The following STARD3NL variants were observed in gnomAD, a reference collection of about 807,000 sequenced individuals.
STARD3NL encodes the protein STARD3 N-terminal-like protein.
In STARD3NL, 17 loss-of-function variants were observed where a neutral mutation model predicts 30.9. The ratio of observed to expected loss-of-function variants is 0.55; its 90% CI spans 0.38 to 0.82. The LOEUF (loss-of-function observed/expected upper bound fraction) is 0.82, where lower values mean the gene tolerates loss of function less well. Among genes scored for constraint, STARD3NL ranks in the 40% least tolerant of loss-of-function variants. The pLI is 0.00. For missense variants in STARD3NL, 234 were observed against 277.6 expected, an observed-to-expected ratio of 0.84 and a Z score of 1.12; for synonymous variants, 112 against 100.5, an observed-to-expected ratio of 1.11 and a Z score of -0.69.
intron 1 of STARD3NL, among the ~76,000 whole-genome samples, chr7:38,187,235 G>A (rs1784498811): frequency 6.6e-6 from 1 of 152,176 alleles, no homozygotes; most frequent in African/African-American, 2.4e-5. Context: ...ACATTACTGG[G>A]CAGCTGTGTG....
Position 38,228,741 on chromosome 7 carries a change from A to G in STARD3NL, c.650-58A>G, listed in dbSNP as rs1006865548. The G allele has an allele frequency of 3.5e-6, 5 of 1,410,844 alleles. No homozygotes were observed. The African/African-American group carries it at 7.1e-5, about 20-fold the overall frequency. The allele number at this position is 1,410,844 out of a possible 1,614,324, so 87.4% of individuals were successfully genotyped here. A position where few individuals can be genotyped will look rare whatever the true frequency, so the allele number is the denominator to read the frequency against. ...AATTTTAAACCTATTTATTTAAAAT[A>G]GTTTGTTACTGTAATGGAATGAAAT... On this transcript the variant is annotated intron_variant, in intron 7 of 8. Transcript: ENST00000009041.
intron 1 of STARD3NL, among the ~76,000 whole-genome samples, chr7:38,187,461 G>T (rs1328556169): frequency 1.3e-5 from 2 of 152,080 alleles, no homozygotes; most frequent in African/African-American, 4.8e-5. Flanking sequence ...TGTAGGTTCT[G>T]CTGAGAGCAT....
intron 1 of STARD3NL, among the ~76,000 whole-genome samples, chr7:38,196,639 A>G (rs1392806079): frequency 1.3e-5 from 2 of 152,180 alleles, no homozygotes; most frequent in African/African-American, 2.4e-5. Context: ...GACTCCAAAA[A>G]TATTTTTTAA....
At chr7:38,210,845 A>G (rs1441635549) in intron 2 of STARD3NL, among the ~76,000 whole-genome samples, 1 of 152,176 alleles carries the variant, frequency 6.6e-6, no homozygotes, top group Admixed American at 6.5e-5. Flanking sequence ...CTATTTTCTA[A>G]CTGGCGTTCT....
chr7:38,209,737 T>TGGTGG (rs1178979390), intron 2 of STARD3NL, among the ~76,000 whole-genome samples: 3 of 152,176 alleles, frequency 2.0e-5, no homozygotes, highest in African/African-American at 7.2e-5. Context: ...GGTAGAACTG[T>TGGTGG]GGTGGGGTTC....
At chr7:38,210,051 T>C (rs541910351) in intron 2 of STARD3NL, among the ~76,000 whole-genome samples, 1 of 152,340 alleles carries the variant, frequency 6.6e-6, no homozygotes, top group African/African-American at 2.4e-5. Context: ...GTTCTACTTG[T>C]TTTGAATTGT....
intron 8 of STARD3NL, 64 bp from the exon 9 acceptor site, chr7:38,229,859 G>A (rs1472098629): frequency 1.4e-5 from 2 of 144,162 alleles, no homozygotes; most frequent in Non-Finnish European, 3.1e-5. Flanking sequence ...CATGTAAGGT[G>A]ACCGTGGCAT....
intron 3 of STARD3NL, 86 bp from the exon 4 acceptor site, chr7:38,214,942 A>G (rs2116332513): frequency 8.2e-7 from 1 of 1,213,784 alleles, no homozygotes; most frequent in Non-Finnish European, 1.2e-6. Context: ...AATCACAGTA[A>G]TGAAGACAGT....
At chr7:38,182,498 C>G (rs1480279653) in intron 1 of STARD3NL, among the ~76,000 whole-genome samples, 2 of 152,190 alleles carry the variant, frequency 1.3e-5, no homozygotes, top group Non-Finnish European at 2.9e-5. Context: ...GCTAAGAAGC[C>G]TGGTCAGTAC....
Position 38,214,441 on chromosome 7 carries a change from A to AT in STARD3NL, c.303+13dup, listed in dbSNP as rs747392448. 4 of 1,554,668 alleles carry AT rather than the reference A, an allele frequency of 2.6e-6. No homozygotes were observed. Among genetic ancestry groups the AT allele is most frequent in the East Asian group, 2.3e-5 (1 of 44,136 alleles). ...TTCATATTTTGATATATTTGTAAGT[A>AT]TTTTTTATGTTTCATTTCAGATGTG... On this transcript the variant is annotated splice_region_variant and intron_variant, in intron 3 of 8. Coordinates refer to ENST00000009041, the MANE Select transcript of STARD3NL (RefSeq NM_032016.4).
chr7:38,185,956 G>A (rs1009863590), intron 1 of STARD3NL, among the ~76,000 whole-genome samples: 1 of 152,200 alleles, frequency 6.6e-6, no homozygotes, highest in African/African-American at 2.4e-5. Flanking sequence ...GTCCTGTGCT[G>A]AAAGTTGACA....
At chr7:38,208,120 G>A (rs2075009) in intron 2 of STARD3NL, among the ~76,000 whole-genome samples, 15,570 of 151,996 alleles carry the variant, frequency 0.1, 900 homozygotes, top group East Asian at 0.18. Context: ...TTGAATAGTT[G>A]TGACAGAGAC....
rs554155236 is a variant in STARD3NL, at chr7:38,183,826, G to C, written c.-59+5406G>C. 5.3e-5 allele frequency among the ~76,000 whole-genome samples: 8 copies of C among 152,302 alleles called. No homozygotes were observed. In the South Asian group the frequency reaches 1.7e-3, roughly 32 times the overall value. On this transcript the variant is annotated intron_variant, in intron 1 of 8. Coordinates refer to ENST00000009041, the MANE Select transcript of STARD3NL (RefSeq NM_032016.4). The stretch of plus-strand genomic sequence containing the variant: ...AGTTTTCACAGCATGTGGAACCCAT[G>C]TATGCAGGTGGTTCTGGAACCAATT...
chr7:38,189,066 T>C (rs1199641594), intron 1 of STARD3NL, among the ~76,000 whole-genome samples: 3 of 152,164 alleles, frequency 2.0e-5, no homozygotes, highest in African/African-American at 7.2e-5. Context: ...ATAGAAATCA[T>C]TGAATGAGAC....
At chr7:38,214,473 C>A in intron 3 of STARD3NL, 39 bp downstream of exon 3, 2 of 1,379,710 alleles carry the variant, frequency 1.4e-6, no homozygotes, top group Non-Finnish European at 1.0e-6. Flanking sequence ...TGTGATAAAA[C>A]TGACCCAAAA....
At chr7:38,196,208 A>G (rs1784891538) in intron 1 of STARD3NL, among the ~76,000 whole-genome samples, 3 of 152,238 alleles carry the variant, frequency 2.0e-5, no homozygotes, top group Admixed American at 2.0e-4. Context: ...TCAATTAATT[A>G]TAGGAATCAC....
chr7:38,224,045 T>A (rs1786616055), intron 7 of STARD3NL, among the ~76,000 whole-genome samples: 1 of 152,204 alleles, frequency 6.6e-6, no homozygotes, highest in Non-Finnish European at 1.5e-5. Flanking sequence ...TTAATGTAAA[T>A]GTAGTGATAT....
chr7:38,193,243 A>G (rs954375519), intron 1 of STARD3NL, among the ~76,000 whole-genome samples: 4 of 152,136 alleles, frequency 2.6e-5, no homozygotes, highest in African/African-American at 9.7e-5. Flanking sequence ...CGTTTTAATG[A>G]GTAAACAGAA....
intron 1 of STARD3NL, among the ~76,000 whole-genome samples, chr7:38,191,463 C>CA (rs1784683698): frequency 6.6e-6 from 1 of 151,128 alleles, no homozygotes; most frequent in South Asian, 2.1e-4. Context: ...GAAATCTTTG[C>CA]AAAAAATATT....
Sources: gnomAD v4.1 joint callset for allele counts (sites outside exome capture counted in the v4.1 genomes callset) on GRCh38, gnomAD v4.1.1 for gene constraint, MANE v1.5 for transcripts, NCBI Gene and HGNC (gene_info 2026-07-23, HGNC 2026-07-21) for gene names.